The following RFTN1 variants were observed in gnomAD, a reference collection of about 807,000 sequenced individuals.
RFTN1 encodes the protein raftlin, lipid raft linker 1.
Under a neutral mutation model 46.5 loss-of-function variants are expected in RFTN1, and 26 were observed. The ratio of observed to expected loss-of-function variants is 0.56; its 90% confidence interval spans 0.41 to 0.78. The LOEUF (loss-of-function observed/expected upper bound fraction) is 0.78. RFTN1 is among the 30% of genes least tolerant of loss of function. The pLI is 0.00. For missense variants in RFTN1, 693 were observed against 718.7 expected, an observed-to-expected ratio of 0.96 and a Z score of 0.41; for synonymous variants, 261 against 284.2, an observed-to-expected ratio of 0.92 and a Z score of 0.82.
chr3:16,425,545 G>T lies in RFTN1; in HGVS notation c.332+8306C>A, dbSNP rs955144635. ...AGGGCAGCTATAGAACAGGAGTGGG[G>T]AAAATGAGCTCTCACACCAACCATG... is the stretch of plus-strand genomic sequence containing the variant. On this transcript the variant is annotated intron_variant, in intron 3 of 9. Transcript: ENST00000334133. The surrounding 1 kb of genome is among the most constrained non-coding windows in gnomAD (Gnocchi z 4.3). Among the ~76,000 whole-genome samples the T allele has an allele frequency of 2.0e-5, 3 of 152,096 alleles. No homozygotes were observed. Among genetic ancestry groups the T allele is most frequent in the Admixed American group, 6.6e-5 (1 of 15,266 alleles).
chr3:16,457,623 G>A lies in RFTN1; in HGVS notation c.146-23586C>T, dbSNP rs535213467. Among the ~76,000 whole-genome samples, 2 of 152,082 alleles carry A rather than the reference G, an allele frequency of 1.3e-5. No individual in the cohort carries two copies. Among genetic ancestry groups the A allele is most frequent in the Non-Finnish European group, 2.9e-5 (2 of 67,974 alleles). On this transcript the variant is annotated intron_variant, in intron 2 of 9. Coordinates refer to ENST00000334133, the MANE Select transcript of RFTN1 (RefSeq NM_015150.2). The surrounding 1 kb of genome is among the most constrained non-coding windows in gnomAD (Gnocchi z 4.2). ...TTAAGTAATAAAATTTTAGTTTTTT[G>A]TTTCGGTGCCTCTGATTGAAAGTGG...
rs1378390237 is a variant in RFTN1 at position 16,381,649 on chromosome 3, A to C, written c.442-3547T>G. 2.0e-5 allele frequency among the ~76,000 whole-genome samples: 3 copies of C among 152,218 alleles called. No individual in the cohort carries two copies. The highest frequency in any genetic ancestry group is 7.2e-5 in the African/African-American group (3 of 41,442). ...TGAATAAGAGTTCAGCACATATGTA[A>C]AGGAAAAGGAGAGGGCAATCCATGT... On this transcript the variant is annotated intron_variant, in intron 4 of 9. Coordinates refer to ENST00000334133, the MANE Select transcript of RFTN1 (RefSeq NM_015150.2). This position sits in a 1 kb window ranked among gnomAD's most constrained non-coding sequence, Gnocchi z 4.2.
intron 6 of RFTN1, among the ~76,000 whole-genome samples, chr3:16,365,181 TC>T (rs2073083117): frequency 7.1e-6 from 1 of 139,898 alleles, no homozygotes; most frequent in Non-Finnish European, 1.6e-5. Flanking sequence ...GTGGGTGGTG[TC>T]CCAAGGGAGT....
At chr3:16,359,019 G>C (rs541379964) in intron 6 of RFTN1, among the ~76,000 whole-genome samples, 2 of 127,236 alleles carry the variant, frequency 1.6e-5, no homozygotes, top group Non-Finnish European at 3.2e-5. Context: ...GTGACAGAGC[G>C]AGATTCTGTC....
In RFTN1 at chr3:16,329,891, C is replaced by G. The variant is rs1053676290; in HGVS notation, c.1147-3015G>C. On this transcript the variant is annotated intron_variant, in intron 7 of 9. Coordinates refer to ENST00000334133, the MANE Select transcript of RFTN1 (RefSeq NM_015150.2). The surrounding 1 kb of genome is among the most constrained non-coding windows in gnomAD (Gnocchi z 4.5). Reference sequence around the variant, plus strand: ...CTTTTATTGGTGGCTGCATCTCGGGCCAGGTTTTCTCTGCGGGCACCCAGA... The same window carrying G: ...CTTTTATTGGTGGCTGCATCTCGGGGCAGGTTTTCTCTGCGGGCACCCAGA... Among the ~76,000 whole-genome samples the G allele has an allele frequency of 2.6e-5, 4 of 152,120 alleles. No individual in the cohort carries two copies. Among genetic ancestry groups the G allele is most frequent in the African/African-American group, 4.8e-5 (2 of 41,424 alleles).
Position 16,426,099 on chromosome 3 carries a change from CCGG to C in RFTN1, c.332+7749_332+7751del, listed in dbSNP as rs1015265768. On this transcript the variant is annotated intron_variant, in intron 3 of 9. Coordinates refer to ENST00000334133, the MANE Select transcript of RFTN1 (RefSeq NM_015150.2). The surrounding 1 kb of genome is among the most constrained non-coding windows in gnomAD (Gnocchi z 5.9). ...TCAATGTCTGCTCTCTGGGAATAAACCGGCGGCTGCAGTTTCCCATCACAGTAG... is the reference window on the plus strand; with the variant it reads ...TCAATGTCTGCTCTCTGGGAATAAACCGGCTGCAGTTTCCCATCACAGTAG... Among the ~76,000 whole-genome samples the C allele has an allele frequency of 4.6e-5, 7 of 152,206 alleles. No homozygotes were observed. Among genetic ancestry groups the C allele is most frequent in the African/African-American group, 1.7e-4 (7 of 41,440 alleles).
At chr3:16,491,150 G>T (rs2076533226) in intron 2 of RFTN1, among the ~76,000 whole-genome samples, 2 of 152,158 alleles carry the variant, frequency 1.3e-5, no homozygotes, top group African/African-American at 4.8e-5. Flanking sequence ...TGGAGAATTG[G>T]GGAGAAGGTA....
Position 16,493,732 on chromosome 3 carries a change from CAG to C in RFTN1, c.136_137del (p.Leu46GlufsTer18). On this transcript the variant is annotated frameshift_variant, in exon 2 of 10. Coordinates refer to ENST00000334133, the MANE Select transcript of RFTN1 (RefSeq NM_015150.2). LOFTEE classifies it high-confidence loss of function. ...YEYRFLEFTT[L>X]SAAELPGSSA... ...CCCACCCCATGTACTCACCAGCACT[CAG>C]AGTCGTGAACTCCAGGAAGCGGTAT... is the stretch of plus-strand genomic sequence containing the variant. The C allele has an allele frequency of 6.2e-7, 1 of 1,607,120 alleles. No homozygotes were observed. Among genetic ancestry groups the C allele is most frequent in the Non-Finnish European group, 8.5e-7 (1 of 1,176,096 alleles).
chr3:16,416,942 G>A (rs559985813), intron 3 of RFTN1, among the ~76,000 whole-genome samples: 103 of 151,356 alleles, frequency 6.8e-4, no homozygotes, highest in Non-Finnish European at 1.2e-3. Context: ...ATTCAGTGGC[G>A]TTAAGTACCT....
At position 16,394,463 on chromosome 3, in the gene RFTN1, CACAG is replaced by C. The variant is rs772842741; in HGVS notation, c.441+14908_441+14911del. Reference sequence around the variant, plus strand: ...GAACCACTGTGACATAAATGAATCTCACAGACACAGTGCTGAGCAAAAGACACCA... The same window carrying C: ...GAACCACTGTGACATAAATGAATCTCACACAGTGCTGAGCAAAAGACACCA... On this transcript the variant is annotated intron_variant, in intron 4 of 9. Transcript: ENST00000334133. Among the ~76,000 whole-genome samples the C allele has an allele frequency of 1.0e-3, 152 of 152,332 alleles. 2 individuals are homozygous for C. Among genetic ancestry groups the C allele is most frequent in the Non-Finnish European group, 9.0e-4 (61 of 68,026 alleles).
At chr3:16,434,991 A>G (rs1379038080) in intron 2 of RFTN1, among the ~76,000 whole-genome samples, 1 of 152,238 alleles carries the variant, frequency 6.6e-6, no homozygotes, top group Non-Finnish European at 1.5e-5. Flanking sequence ...TTATTTTAAA[A>G]TTTGGATTTT....
At chr3:16,323,250 A>C in intron 9 of RFTN1, 126 bp downstream of exon 9, 2 of 673,126 alleles carry the variant, frequency 3.0e-6, no homozygotes, top group Non-Finnish European at 5.2e-6. Flanking sequence ...CCAGGGGCTC[A>C]GGTGTTCCTT....
At chr3:16,325,497 G>T (rs2069602199) in intron 8 of RFTN1, among the ~76,000 whole-genome samples, 1 of 152,182 alleles carries the variant, frequency 6.6e-6, no homozygotes, top group Non-Finnish European at 1.5e-5. Flanking sequence ...TCTGGAAATT[G>T]ACCAGGAAAC....
chr3:16,345,829 T>TGTGTGTGTGTGTGC lies in RFTN1; in HGVS notation c.1146+12102_1146+12103insGCACACACACACAC, dbSNP rs758493435. On this transcript the variant is annotated intron_variant, in intron 7 of 9. Coordinates refer to ENST00000334133, the MANE Select transcript of RFTN1 (RefSeq NM_015150.2). The surrounding 1 kb of genome is among the most constrained non-coding windows in gnomAD (Gnocchi z 5.2). ...GTGTGTGTGTGTGTGCGCGCGCGCG[T>TGTGTGTGTGTGTGC]GCGCGCACGCGCACATGTGCATGTG... Among the ~76,000 whole-genome samples, 3 of 69,826 alleles carry TGTGTGTGTGTGTGC rather than the reference T, an allele frequency of 4.3e-5. No homozygotes were observed. The highest frequency in any genetic ancestry group is 9.0e-4 in the East Asian group (2 of 2,212). 45.8% of individuals were successfully genotyped at this position (69,826 alleles called of 152,430 possible). A position where few individuals can be genotyped will look rare whatever the true frequency, so the allele number is the denominator to read the frequency against.
chr3:16,444,509 A>G (rs980445850), intron 2 of RFTN1, among the ~76,000 whole-genome samples: 6 of 152,208 alleles, frequency 3.9e-5, no homozygotes, highest in Non-Finnish European at 7.3e-5. Flanking sequence ...GTGTGAGTGT[A>G]TGTGTGAGAG....
At chr3:16,477,518 A>G (rs1007505188) in intron 2 of RFTN1, among the ~76,000 whole-genome samples, 2 of 152,268 alleles carry the variant, frequency 1.3e-5, no homozygotes, top group Non-Finnish European at 2.9e-5. Flanking sequence ...CCTAGTTTAA[A>G]AAAAGAAAAG....
intron 4 of RFTN1, among the ~76,000 whole-genome samples, chr3:16,396,335 C>T (rs969116227): frequency 6.6e-5 from 10 of 152,158 alleles, no homozygotes; most frequent in African/African-American, 2.4e-4. Context: ...GTCACCCAGG[C>T]TGGAGTGCAG....
At chr3:16,404,380 A>T (rs1238891086) in intron 4 of RFTN1, among the ~76,000 whole-genome samples, 1 of 16,392 alleles carries the variant, frequency 6.1e-5, no homozygotes, top group Non-Finnish European at 8.8e-5. Flanking sequence ...TAATATATAT[A>T]ATATATAATA....
rs2069194496 is a variant in RFTN1 at position 16,322,614 on chromosome 3, A to G, written c.1332+762T>C. 6.6e-6 allele frequency among the ~76,000 whole-genome samples: 1 copy of G among 152,198 alleles called. No individual in the cohort carries two copies. Among genetic ancestry groups the G allele is most frequent in the Non-Finnish European group, 1.5e-5 (1 of 68,014 alleles). On this transcript the variant is annotated intron_variant, in intron 9 of 9. Coordinates refer to ENST00000334133, the MANE Select transcript of RFTN1 (RefSeq NM_015150.2). This position sits in a 1 kb window ranked among gnomAD's most constrained non-coding sequence, Gnocchi z 6.2. ...AGCAACTGGTGAAAATGTCCTCAGG[A>G]AAAGCACCACAGGCTGCTCAGGGTG... is the stretch of plus-strand genomic sequence containing the variant.
Sources: gnomAD v4.1 joint callset for allele counts (sites outside exome capture counted in the v4.1 genomes callset) on GRCh38, gnomAD v4.1.1 for gene constraint, Gnocchi (gnomAD v3.1) non-coding constraint, MANE v1.5 for transcripts, NCBI Gene and HGNC (gene_info 2026-07-23, HGNC 2026-07-21) for gene names.